OPCML: variants seen among roughly 807,000 people sequenced by gnomAD.
OPCML encodes opioid binding protein/cell adhesion molecule like.
Under a neutral mutation model 37.8 loss-of-function variants are expected in OPCML, and 13 were observed. The ratio of observed to expected loss-of-function variants is 0.34; its 90% CI spans 0.22 to 0.55. OPCML has a LOEUF of 0.55. Ranked by LOEUF, OPCML falls within the 20% of genes least tolerant of loss-of-function variation. The pLI, the probability that OPCML is intolerant of heterozygous loss-of-function variation, is 0.91. For synonymous variants in OPCML, 176 were observed against 168.8 expected, an observed-to-expected ratio of 1.04 and a Z score of -0.33; for missense variants, 341 against 435.6, an observed-to-expected ratio of 0.78 and a Z score of 1.93.
Position 133,211,184 on chromosome 11 carries a change from TAA to T in OPCML, c.62-268176_62-268175del. On this transcript the variant is annotated intron_variant, in intron 1 of 7. Coordinates refer to ENST00000524381, the MANE Select transcript of OPCML (RefSeq NM_001012393.5). This position sits in a 1 kb window ranked among gnomAD's most constrained non-coding sequence, Gnocchi z 4.1. ...AATATTTCTGCAAATTCTGATGATTTAATGTACTCATTTCCCTCAGGTTCTGC... is the reference window on the plus strand; with the variant it reads ...AATATTTCTGCAAATTCTGATGATTTTGTACTCATTTCCCTCAGGTTCTGC... Among the ~76,000 whole-genome samples the T allele has an allele frequency of 6.6e-6, 1 of 151,956 alleles. No individual in the cohort carries two copies. The highest frequency in any genetic ancestry group is 1.5e-5 in the Non-Finnish European group (1 of 67,962).
At chr11:132,936,695 T>C (rs926155052) in intron 2 of OPCML, among the ~76,000 whole-genome samples, 1 of 152,124 alleles carries the variant, frequency 6.6e-6, no homozygotes, top group Non-Finnish European at 1.5e-5. Context: ...AGCCTAGATA[T>C]CACAGCTTCA....
At chr11:132,630,526 ATGTGTGTGTG>A (rs140438717) in intron 3 of OPCML, among the ~76,000 whole-genome samples, 1 of 148,896 alleles carries the variant, frequency 6.7e-6, no homozygotes, top group South Asian at 2.1e-4. Flanking sequence ...AGGACACAAT[ATGTGTGTGTG>A]TGTGTGTGTG....
intron 1 of OPCML, among the ~76,000 whole-genome samples, chr11:133,032,460 GAAAA>G (rs1391111883): frequency 6.6e-6 from 1 of 151,976 alleles, no homozygotes; most frequent in Non-Finnish European, 1.5e-5. Context: ...TCACCAGGGG[GAAAA>G]AAAGGCACAT....
At chr11:132,556,094 A>G (rs2137464505) in intron 3 of OPCML, among the ~76,000 whole-genome samples, 1 of 152,020 alleles carries the variant, frequency 6.6e-6, no homozygotes, top group East Asian at 1.9e-4. Context: ...GTGCACGAAC[A>G]CACCCAGCTA....
intron 1 of OPCML, among the ~76,000 whole-genome samples, chr11:133,302,826 C>T (rs992208998): frequency 6.6e-6 from 1 of 152,140 alleles, no homozygotes; most frequent in Non-Finnish European, 1.5e-5. Context: ...AGAAGAGATT[C>T]TCACAATTTA....
At chr11:132,982,050 C>T (rs1946598797) in intron 1 of OPCML, among the ~76,000 whole-genome samples, 1 of 152,162 alleles carries the variant, frequency 6.6e-6, no homozygotes, top group Non-Finnish European at 1.5e-5. Flanking sequence ...CGAGCCTTGT[C>T]CTGGATTCTA....
chr11:132,638,597 T>C (rs1275534684), intron 3 of OPCML, among the ~76,000 whole-genome samples: 1 of 152,138 alleles, frequency 6.6e-6, no homozygotes, highest in Non-Finnish European at 1.5e-5. Context: ...CTCTTACACA[T>C]AACATCACTA....
At chr11:133,466,285 A>G (rs1946975786) in intron 1 of OPCML, among the ~76,000 whole-genome samples, 1 of 152,242 alleles carries the variant, frequency 6.6e-6, no homozygotes, top group Non-Finnish European at 1.5e-5. Flanking sequence ...TTGAACACTT[A>G]ACAGTATAAT....
intron 2 of OPCML, among the ~76,000 whole-genome samples, chr11:132,826,328 A>G (rs1565891905): frequency 6.6e-6 from 1 of 152,252 alleles, no homozygotes; most frequent in Non-Finnish European, 1.5e-5. Context: ...CTTTATTTCC[A>G]AATACATTTC....
chr11:133,355,847 C>T (rs573524753), intron 1 of OPCML, among the ~76,000 whole-genome samples: 19 of 152,292 alleles, frequency 1.2e-4, no homozygotes, highest in African/African-American at 1.9e-4. Flanking sequence ...GCAGTTGCAG[C>T]GAGCAAGGTC....
intron 2 of OPCML, among the ~76,000 whole-genome samples, chr11:132,811,898 T>C (rs1224628517): frequency 1.3e-5 from 2 of 152,236 alleles, no homozygotes; most frequent in Admixed American, 6.5e-5. Context: ...TTCACAGGAC[T>C]AAATGAACAT....
intron 1 of OPCML, among the ~76,000 whole-genome samples, chr11:133,250,036 C>A (rs1030772711): frequency 2.6e-5 from 4 of 152,200 alleles, no homozygotes; most frequent in Non-Finnish European, 4.4e-5. Context: ...AATGAAGGAA[C>A]CAACCATGTC....
Position 132,950,138 on chromosome 11 carries a change from C to T in OPCML, c.62-7128G>A, listed in dbSNP as rs117292754. Among the ~76,000 whole-genome samples, 642 of 152,242 alleles carry T rather than the reference C, an allele frequency of 4.2e-3. 2 individuals are homozygous for T. The highest frequency in any genetic ancestry group is 6.6e-3 in the Non-Finnish European group (450 of 68,030). On this transcript the variant is annotated intron_variant, in intron 1 of 7. Transcript: ENST00000524381. Reference sequence around the variant, plus strand: ...TTTGGAATTGGCTCTAAGGGCAGTGCGATAACGTTGGAGACATTGCAGTGG... The same window carrying T: ...TTTGGAATTGGCTCTAAGGGCAGTGTGATAACGTTGGAGACATTGCAGTGG...
chr11:132,873,819 T>TA (rs5795807), intron 2 of OPCML, among the ~76,000 whole-genome samples: 11 of 149,016 alleles, frequency 7.4e-5, no homozygotes, highest in Admixed American at 6.7e-5. Flanking sequence ...CTAAATCAAA[T>TA]AAAAAAAATT....
chr11:132,852,284 G>A (rs984970946), intron 2 of OPCML, among the ~76,000 whole-genome samples: 8 of 152,052 alleles, frequency 5.3e-5, no homozygotes, highest in Non-Finnish European at 8.8e-5. Flanking sequence ...AAAAAATTTT[G>A]TATGCTTTTC....
At chr11:132,801,423 G>A (rs1265637360) in intron 2 of OPCML, among the ~76,000 whole-genome samples, 1 of 152,124 alleles carries the variant, frequency 6.6e-6, no homozygotes, top group Non-Finnish European at 1.5e-5. Flanking sequence ...ACTCATGCCT[G>A]GAGAGAATAC....
chr11:132,443,126 A>G (rs937071549), intron 4 of OPCML, among the ~76,000 whole-genome samples: 1 of 152,212 alleles, frequency 6.6e-6, no homozygotes, highest in Non-Finnish European at 1.5e-5. Context: ...GCGCTGAGAT[A>G]AAATGCCAGC....
At chr11:133,274,695 C>G (rs1291319611) in intron 1 of OPCML, among the ~76,000 whole-genome samples, 1 of 152,210 alleles carries the variant, frequency 6.6e-6, no homozygotes, top group Non-Finnish European at 1.5e-5. Flanking sequence ...ACTGCCCCAA[C>G]TTCCAGGAGC....
intron 1 of OPCML, among the ~76,000 whole-genome samples, chr11:133,170,134 A>G (rs1018522527): frequency 3.9e-5 from 6 of 152,266 alleles, no homozygotes; most frequent in East Asian, 1.9e-4. Flanking sequence ...CTACCTAACT[A>G]CCTGTCTGTC....
Sources: gnomAD v4.1 joint callset for allele counts (sites outside exome capture counted in the v4.1 genomes callset) on GRCh38, gnomAD v4.1.1 for gene constraint, Gnocchi (gnomAD v3.1) non-coding constraint, MANE v1.5 for transcripts, NCBI Gene and HGNC (gene_info 2026-07-23, HGNC 2026-07-21) for gene names.